The following R3HDM1 variants were observed in gnomAD, a reference collection of about 807,000 sequenced individuals.
R3HDM1 encodes the protein R3H domain-containing protein 1.
A neutral mutation model predicts 141.1 loss-of-function variants in R3HDM1; 46 were observed. The observed-to-expected ratio is 0.33, with a 90% confidence interval of 0.26 to 0.42. R3HDM1 has a LOEUF of 0.42. Among genes scored for constraint, R3HDM1 ranks in the 10% least tolerant of loss-of-function variants. R3HDM1 has a pLI of 1.00. For synonymous variants in R3HDM1, 435 were observed against 472.9 expected (o/e 0.92, Z 1.04); for missense variants, 1,184 against 1,368.3 (o/e 0.87, Z 2.12).
At chr2:135,565,153 T>A (rs1702479796) in intron 1 of R3HDM1, among the ~76,000 whole-genome samples, 1 of 151,984 alleles carries the variant, frequency 6.6e-6, no homozygotes, top group African/African-American at 2.4e-5. Context: ...CTGTAAGTGG[T>A]CTTCCTGGTC....
chr2:135,560,439 G>A (rs527878318), intron 1 of R3HDM1, among the ~76,000 whole-genome samples: 2 of 151,982 alleles, frequency 1.3e-5, no homozygotes, highest in South Asian at 2.1e-4. Context: ...TCAGCCTCGC[G>A]AGTAGCTGGG....
At chr2:135,591,324 TTTAG>T (rs1709228079) in intron 1 of R3HDM1, among the ~76,000 whole-genome samples, 1 of 152,182 alleles carries the variant, frequency 6.6e-6, no homozygotes, top group South Asian at 2.1e-4. Flanking sequence ...GATACATTCA[TTTAG>T]TTATATATTA....
rs113469926 is a variant in R3HDM1 at position 135,686,565 on chromosome 2, A to G, written c.2459+6241A>G. Among the ~76,000 whole-genome samples, 205 of 152,234 alleles carry G rather than the reference A, an allele frequency of 1.3e-3. 2 individuals are homozygous for G. The highest frequency in any genetic ancestry group is 4.4e-3 in the African/African-American group (181 of 41,526). ...AGCCTGAGCAACACAGGGAGACCCCATTTCTACAAAAAATTTAAAAAGTAG... is the reference window on the plus strand; with the variant it reads ...AGCCTGAGCAACACAGGGAGACCCCGTTTCTACAAAAAATTTAAAAAGTAG... On this transcript the variant is annotated intron_variant, in intron 21 of 26. Transcript: ENST00000683871.
At chr2:135,673,517 A>T (rs2068711222) in intron 19 of R3HDM1, among the ~76,000 whole-genome samples, 1 of 152,228 alleles carries the variant, frequency 6.6e-6, no homozygotes, top group Non-Finnish European at 1.5e-5. Context: ...ATAGTGTTAA[A>T]TGTTAATTGT....
At chr2:135,669,483 T>G (rs1391730903) in intron 19 of R3HDM1, 1 of 984,260 alleles carries the variant, frequency 1.0e-6, no homozygotes, top group Non-Finnish European at 1.2e-6. Flanking sequence ...ATCTTGAGAC[T>G]TAGGTATGTT....
intron 26 of R3HDM1, 150 bp from the exon 27 acceptor site, chr2:135,723,787 A>C: frequency 2.3e-6 from 1 of 432,026 alleles, no homozygotes; most frequent in Non-Finnish European, 3.7e-6. Flanking sequence ...CCAAAAAAAA[A>C]AAAAAAAAAA....
intron 21 of R3HDM1, among the ~76,000 whole-genome samples, chr2:135,692,643 AT>A (rs1383225441): frequency 6.6e-6 from 1 of 152,156 alleles, no homozygotes; most frequent in Admixed American, 6.5e-5. Flanking sequence ...GAGCATCTGA[AT>A]TTTAGGTTAG....
intron 24 of R3HDM1, among the ~76,000 whole-genome samples, chr2:135,720,792 T>G (rs533905853): frequency 6.6e-6 from 1 of 152,338 alleles, no homozygotes; most frequent in East Asian, 1.9e-4. Context: ...TATGTAAATG[T>G]GTACATGCAT....
intron 1 of R3HDM1, among the ~76,000 whole-genome samples, chr2:135,560,563 C>G (rs191317498): frequency 2.6e-5 from 4 of 152,310 alleles, no homozygotes; most frequent in Admixed American, 1.3e-4. Context: ...CCGCCCACCT[C>G]AGCTTCCCAA....
chr2:135,700,628 G>C (rs2105408414), intron 21 of R3HDM1, among the ~76,000 whole-genome samples: 1 of 152,322 alleles, frequency 6.6e-6, no homozygotes, highest in East Asian at 1.9e-4. Flanking sequence ...AGCTGTAGTA[G>C]ATGTATGACT....
At chr2:135,633,814 C>G (rs1358843844) in intron 9 of R3HDM1, 2 of 152,140 alleles carry the variant, frequency 1.3e-5, no homozygotes, top group African/African-American at 4.8e-5. Context: ...ATTCAGGCAT[C>G]TATAAAAGAA....
intron 21 of R3HDM1, among the ~76,000 whole-genome samples, chr2:135,699,054 AAGAT>A (rs1396888808): frequency 2.1e-5 from 2 of 93,784 alleles, no homozygotes; most frequent in African/African-American, 4.1e-5. Context: ...TAAGATAGAT[AAGAT>A]AGATTGATTA....
intron 1 of R3HDM1, among the ~76,000 whole-genome samples, chr2:135,565,321 AAAT>A (rs1193510865): frequency 4.3e-4 from 59 of 136,066 alleles, no homozygotes; most frequent in African/African-American, 1.6e-3. Flanking sequence ...CAATGAAAAA[AAAT>A]TATTATTATT....
chr2:135,550,196 G>A (rs924364577), intron 1 of R3HDM1: 5 of 984,946 alleles, frequency 5.1e-6, no homozygotes, highest in Non-Finnish European at 6.0e-6. Flanking sequence ...TGTGAGTGTT[G>A]ATTTTCTTTT....
chr2:135,549,837 A>G (rs1222790632), intron 1 of R3HDM1: 5 of 421,014 alleles, frequency 1.2e-5, no homozygotes, highest in African/African-American at 1.1e-4. Flanking sequence ...CATTGTGAAT[A>G]GACTAAATAC....
chr2:135,702,920 T>TAGC (rs1221457314), intron 21 of R3HDM1, among the ~76,000 whole-genome samples: 2 of 152,198 alleles, frequency 1.3e-5, no homozygotes, highest in African/African-American at 4.8e-5. Context: ...AATTATTGTT[T>TAGC]AGCAGGTGTT....
At chr2:135,654,562 C>T (rs867214663) in intron 18 of R3HDM1, among the ~76,000 whole-genome samples, 15 of 152,128 alleles carry the variant, frequency 9.9e-5, no homozygotes, top group Admixed American at 2.0e-4. Flanking sequence ...AATTCTCCTG[C>T]CTCAGCCCCC....
chr2:135,545,737 A>G (rs1698552124), intron 1 of R3HDM1, among the ~76,000 whole-genome samples: 2 of 152,198 alleles, frequency 1.3e-5, no homozygotes. Context: ...TTCATCCCAA[A>G]TGTAGTGGAT....
intron 1 of R3HDM1, among the ~76,000 whole-genome samples, chr2:135,545,748 T>C (rs1338226082): frequency 6.6e-6 from 1 of 152,172 alleles, no homozygotes; most frequent in Non-Finnish European, 1.5e-5. Flanking sequence ...TGTAGTGGAT[T>C]TGGGGGGACA....
Sources: gnomAD v4.1 joint callset for allele counts (sites outside exome capture counted in the v4.1 genomes callset) on GRCh38, gnomAD v4.1.1 for gene constraint, MANE v1.5 for transcripts, NCBI Gene and HGNC (gene_info 2026-07-23, HGNC 2026-07-21) for gene names.